The following HMGCLL1 variants were observed in gnomAD, a reference collection of about 807,000 sequenced individuals.
HMGCLL1 encodes 3-hydroxymethyl-3-methylglutaryl-CoA lyase, cytoplasmic.
In HMGCLL1, 36 loss-of-function variants were observed where a neutral mutation model predicts 39.1. The observed-to-expected ratio is 0.92, with a 90% CI of 0.71 to 1.22. The LOEUF (loss-of-function observed/expected upper bound fraction) is 1.22. HMGCLL1 is among the 50% of genes most tolerant of loss of function. The pLI is 0.00. For synonymous variants in HMGCLL1, 149 were observed against 144.0 expected (o/e 1.03, Z -0.25); for missense variants, 451 against 416.5 (o/e 1.08, Z -0.72).
chr6:55,630,461 G>A, the HMGCLL1 span, among the ~76,000 whole-genome samples: 4 of 152,114 alleles, frequency 2.6e-5, no homozygotes, highest in Non-Finnish European at 5.9e-5. Context: ...ACTTCAGACT[G>A]TGGACTGACA....
the HMGCLL1 span, among the ~76,000 whole-genome samples, chr6:55,644,876 T>G: frequency 6.6e-6 from 1 of 152,060 alleles, no homozygotes; most frequent in African/African-American, 2.4e-5. Context: ...TAGTTGGCTA[T>G]TCTGGGTCTC....
chr6:55,600,276 A>G, the HMGCLL1 span, among the ~76,000 whole-genome samples: 1 of 152,158 alleles, frequency 6.6e-6, no homozygotes, highest in Non-Finnish European at 1.5e-5. Context: ...AAGAAGAGTA[A>G]ACAGTGTTAT....
intron 3 of HMGCLL1, among the ~76,000 whole-genome samples, chr6:55,535,320 G>A (rs867842567): frequency 4.6e-5 from 7 of 152,242 alleles, no homozygotes; most frequent in East Asian, 3.9e-4. Flanking sequence ...CCTGCTCTAC[G>A]AATTCAGGAG....
At chr6:55,551,382 A>C (rs1430118028) in intron 1 of HMGCLL1, among the ~76,000 whole-genome samples, 5 of 151,920 alleles carry the variant, frequency 3.3e-5, no homozygotes, top group Non-Finnish European at 4.4e-5. Flanking sequence ...ATAATTGGAA[A>C]TAACATATTT....
the HMGCLL1 span, among the ~76,000 whole-genome samples, chr6:55,644,645 C>T: frequency 2.6e-5 from 4 of 151,880 alleles, no homozygotes; most frequent in Non-Finnish European, 4.4e-5. Context: ...CATTGTTTAT[C>T]GAAGAGGCTA....
At chr6:55,486,441 C>T (rs528307163) in intron 7 of HMGCLL1, among the ~76,000 whole-genome samples, 1 of 152,044 alleles carries the variant, frequency 6.6e-6, no homozygotes, top group African/African-American at 2.4e-5. Flanking sequence ...TTTCGGGGGG[C>T]AACTCTGCAG....
chr6:55,580,213 G>A (rs1771950265), upstream of HMGCLL1, among the ~76,000 whole-genome samples: 1 of 151,896 alleles, frequency 6.6e-6, no homozygotes. Flanking sequence ...TGCATGGGTG[G>A]GGGTTTGGGG....
chr6:55,584,924 A>G, the HMGCLL1 span, among the ~76,000 whole-genome samples: 3 of 151,908 alleles, frequency 2.0e-5, no homozygotes, highest in Admixed American at 2.0e-4. Flanking sequence ...AAACAATGAG[A>G]ACAACCTGGC....
At chr6:55,588,980 A>T in the HMGCLL1 span, among the ~76,000 whole-genome samples, 1 of 110,854 alleles carries the variant, frequency 9.0e-6, no homozygotes, top group Admixed American at 8.2e-5. Context: ...CACAGGTACA[A>T]GGATGAGCTG....
intron 5 of HMGCLL1, among the ~76,000 whole-genome samples, chr6:55,500,489 T>TAACCAA (rs1178461514): frequency 3.2e-4 from 49 of 151,986 alleles, no homozygotes; most frequent in Admixed American, 1.3e-3. Flanking sequence ...AGTACATAGC[T>TAACCAA]ATTGATTCTA....
At chr6:55,488,016 GGTATATGCATAC>G (rs1326187374) in intron 7 of HMGCLL1, among the ~76,000 whole-genome samples, 3 of 151,716 alleles carry the variant, frequency 2.0e-5, no homozygotes, top group African/African-American at 7.3e-5. Flanking sequence ...CTTTGAATTA[GGTATATGCATAC>G]ATACATACAC....
chr6:55,574,979 G>C (rs1771693253), intron 1 of HMGCLL1, among the ~76,000 whole-genome samples: 1 of 151,934 alleles, frequency 6.6e-6, no homozygotes. Flanking sequence ...ATTTATATTA[G>C]AATTTAGGTC....
the HMGCLL1 span, among the ~76,000 whole-genome samples, chr6:55,658,353 C>T: frequency 1.3e-5 from 2 of 151,924 alleles, no homozygotes; most frequent in Non-Finnish European, 2.9e-5. Context: ...ATACTCCCAA[C>T]AAAAATATCA....
At chr6:55,643,494 T>C in the HMGCLL1 span, among the ~76,000 whole-genome samples, 3 of 152,122 alleles carry the variant, frequency 2.0e-5, no homozygotes, top group East Asian at 1.9e-4. Context: ...ATTCTTCCTA[T>C]TCATTAAATT....
In HMGCLL1 at chr6:55,542,104, T is replaced by G; in HGVS notation, c.145A>C (p.Lys49Gln). The change falls in exon 2 of 9, where the codon AAA (lysine) becomes CAA (glutamine). Residue 49 changes from lysine to glutamine, a missense_variant. Physicochemically the swap from Lys to Gln is moderately conservative, Grantham distance 53. Coordinates refer to ENST00000274901, the MANE Select transcript of HMGCLL1 (RefSeq NM_001042406.2). ...TCCCTAGGCCCAACTTCTACTATTT[T>G]AACAAACTCAGGGAGTCCAGATAAC... ...SQLSGLPEFV[K>Q]IVEVGPRDGL... 6.2e-7 allele frequency: 1 copy of G among 1,611,260 alleles called. No homozygotes were observed. The highest frequency in any genetic ancestry group is 8.5e-7 in the Non-Finnish European group (1 of 1,178,062).
intron 5 of HMGCLL1, among the ~76,000 whole-genome samples, chr6:55,505,851 T>G (rs9475320): frequency 0.68 from 102,285 of 151,450 alleles, 34,575 homozygotes; most frequent in Non-Finnish European, 0.7. Flanking sequence ...GGTTTTCTTT[T>G]AAAGAAAATG....
At chr6:55,507,310 C>T (rs1767221109) in intron 5 of HMGCLL1, among the ~76,000 whole-genome samples, 1 of 151,674 alleles carries the variant, frequency 6.6e-6, no homozygotes, top group African/African-American at 2.4e-5. Context: ...CAGTTTCAGG[C>T]ATCCACTGGG....
intron 7 of HMGCLL1, among the ~76,000 whole-genome samples, chr6:55,443,056 A>G (rs796155802): frequency 1.2e-4 from 9 of 77,516 alleles, no homozygotes; most frequent in African/African-American, 6.0e-4. Flanking sequence ...TCAAATGACT[A>G]ATGTCTAAGC....
chr6:55,445,584 T>C (rs1763790581), intron 7 of HMGCLL1, among the ~76,000 whole-genome samples: 1 of 152,082 alleles, frequency 6.6e-6, no homozygotes, highest in Non-Finnish European at 1.5e-5. Flanking sequence ...AGGATTACTC[T>C]TGGAAAGATG....
Sources: gnomAD v4.1 joint callset for allele counts (sites outside exome capture counted in the v4.1 genomes callset) on GRCh38, gnomAD v4.1.1 for gene constraint, MANE v1.5 for transcripts, NCBI Gene and HGNC (gene_info 2026-07-23, HGNC 2026-07-21) for gene names.